The following FARS2 variants were observed in gnomAD, a reference collection of about 807,000 sequenced individuals.
The protein encoded by FARS2 is phenylalanine--tRNA ligase, mitochondrial.
FARS2 carries 40 observed loss-of-function variants against 46.4 expected under a neutral mutation model. The ratio of observed to expected loss-of-function variants is 0.86; its 90% confidence interval spans 0.67 to 1.12. The LOEUF (loss-of-function observed/expected upper bound fraction) is 1.12, where lower values mean the gene tolerates loss of function less well. Among genes scored for constraint, FARS2 ranks in the 50% most tolerant of loss-of-function variants. The pLI, the probability that FARS2 is intolerant of heterozygous loss-of-function variation, is 0.00. For missense variants in FARS2, 513 were observed against 567.9 expected, an observed-to-expected ratio of 0.90 and a Z score of 0.98; for synonymous variants, 234 against 214.9, an observed-to-expected ratio of 1.09 and a Z score of -0.78.
chr6:5,595,051 C>G (rs1006869887), intron 5 of FARS2, among the ~76,000 whole-genome samples: 9 of 152,142 alleles, frequency 5.9e-5, no homozygotes, highest in Non-Finnish European at 1.2e-4. Context: ...ACCCAGTCTC[C>G]CACCGTAGAG....
At chr6:5,491,168 C>T (rs966527417) in intron 4 of FARS2, among the ~76,000 whole-genome samples, 10 of 152,258 alleles carry the variant, frequency 6.6e-5, no homozygotes, top group Admixed American at 2.6e-4. Context: ...TTGCATTTCT[C>T]TGTTGACTCA....
At chr6:5,582,275 T>A (rs565296869) in intron 5 of FARS2, among the ~76,000 whole-genome samples, 1 of 150,872 alleles carries the variant, frequency 6.6e-6, no homozygotes, top group South Asian at 2.2e-4. Context: ...AGTAACATAC[T>A]TCCGGTTAAT....
chr6:5,610,776 A>G (rs1004682606), intron 5 of FARS2, among the ~76,000 whole-genome samples: 1 of 152,222 alleles, frequency 6.6e-6, no homozygotes, highest in Non-Finnish European at 1.5e-5. Context: ...CCACAATTCT[A>G]TGGTTGTGGG....
intron 3 of FARS2, among the ~76,000 whole-genome samples, chr6:5,427,479 T>C (rs1046158142): frequency 6.6e-6 from 1 of 152,216 alleles, no homozygotes; most frequent in Non-Finnish European, 1.5e-5. Flanking sequence ...TGTATAGATT[T>C]GGCATTCTTT....
chr6:5,558,194 C>T (rs770444403), intron 5 of FARS2, among the ~76,000 whole-genome samples: 10 of 152,234 alleles, frequency 6.6e-5, no homozygotes, highest in East Asian at 3.9e-4. Flanking sequence ...AAAGAACAAA[C>T]GCATTTCTTC....
chr6:5,607,163 T>C (rs1337357241), intron 5 of FARS2, among the ~76,000 whole-genome samples: 1 of 152,188 alleles, frequency 6.6e-6, no homozygotes, highest in Non-Finnish European at 1.5e-5. Flanking sequence ...GATGAAACTC[T>C]AGACAAGAAT....
rs531555806 is a variant in FARS2 at position 5,613,163 on chromosome 6, T to G, written c.1066-6T>G. The stretch of plus-strand genomic sequence containing the variant: ...TCATGTATCTTTTCTCCTCTTGTTT[T>G]GTTAGCCTCTTAGCAAATATCCGGC... On this transcript the variant is annotated splice_polypyrimidine_tract_variant and splice_region_variant and intron_variant, in intron 5 of 6. Coordinates refer to ENST00000274680, the MANE Select transcript of FARS2 (RefSeq NM_006567.5). The G allele has an allele frequency of 1.2e-6, 2 of 1,610,384 alleles. No individual in the cohort carries two copies. Among genetic ancestry groups the G allele is most frequent in the Non-Finnish European group, 1.7e-6 (2 of 1,178,520 alleles).
At chr6:5,477,297 C>G (rs565469978) in intron 4 of FARS2, among the ~76,000 whole-genome samples, 1 of 152,310 alleles carries the variant, frequency 6.6e-6, no homozygotes, top group South Asian at 2.1e-4. Flanking sequence ...AGTTTCTGAG[C>G]AGTGTCTCAG....
At chr6:5,654,425 A>C (rs1031520991) in intron 6 of FARS2, among the ~76,000 whole-genome samples, 3 of 152,232 alleles carry the variant, frequency 2.0e-5, no homozygotes, top group African/African-American at 4.8e-5. Context: ...TCCAAAAAAA[A>C]CAAAGATGTT....
At chr6:5,635,248 A>G (rs1401705112) in intron 6 of FARS2, among the ~76,000 whole-genome samples, 1 of 152,260 alleles carries the variant, frequency 6.6e-6, no homozygotes, top group Non-Finnish European at 1.5e-5. Context: ...GTAATTAAGT[A>G]CAAGCATTAA....
intron 6 of FARS2, among the ~76,000 whole-genome samples, chr6:5,720,122 A>G (rs910904627): frequency 6.6e-6 from 1 of 152,184 alleles, no homozygotes; most frequent in African/African-American, 2.4e-5. Context: ...AAAAAACAAC[A>G]CTGCTGCAAT....
intron 4 of FARS2, among the ~76,000 whole-genome samples, chr6:5,432,899 G>C (rs1763310967): frequency 6.6e-6 from 1 of 152,198 alleles, no homozygotes. Context: ...CCTCGGCTGG[G>C]AGACTGGAGG....
rs1181304211 is a variant in FARS2 at position 5,392,792 on chromosome 6, A to G, written c.613-11750A>G. Reference sequence around the variant, plus strand: ...CACATGTATATATATGTGTGTATATATACATATATGTATGTGTATATATTA... The same window carrying G: ...CACATGTATATATATGTGTGTATATGTACATATATGTATGTGTATATATTA... On this transcript the variant is annotated intron_variant, in intron 2 of 6. Coordinates refer to ENST00000274680, the MANE Select transcript of FARS2 (RefSeq NM_006567.5). Among the ~76,000 whole-genome samples, 7 of 143,914 alleles carry G rather than the reference A, an allele frequency of 4.9e-5. No homozygotes were observed. The South Asian group carries it at 6.4e-4, about 13-fold the overall frequency. 94.4% of individuals were successfully genotyped at this position (143,914 alleles called of 152,430 possible). A position where few individuals can be genotyped will look rare whatever the true frequency, so the allele number is the denominator to read the frequency against.
intron 1 of FARS2, among the ~76,000 whole-genome samples, chr6:5,346,306 C>A (rs1280041490): frequency 6.6e-6 from 1 of 152,120 alleles, no homozygotes; most frequent in Non-Finnish European, 1.5e-5. Flanking sequence ...GAATAAAATT[C>A]ATCATCACCT....
intron 5 of FARS2, among the ~76,000 whole-genome samples, chr6:5,563,218 A>G (rs901063650): frequency 1.3e-5 from 2 of 152,268 alleles, no homozygotes; most frequent in Admixed American, 1.3e-4. Flanking sequence ...TAGGCATGTC[A>G]TTCACGTAGC....
At chr6:5,395,176 G>C (rs1022394943) in intron 2 of FARS2, among the ~76,000 whole-genome samples, 10 of 152,024 alleles carry the variant, frequency 6.6e-5, no homozygotes, top group African/African-American at 2.4e-4. Context: ...TCAGCCTTCT[G>C]AGTAGCTGGG....
chr6:5,345,939 C>T (rs1367732014), intron 1 of FARS2, among the ~76,000 whole-genome samples: 1 of 152,174 alleles, frequency 6.6e-6, no homozygotes, highest in Non-Finnish European at 1.5e-5. Flanking sequence ...AATGCCTTGT[C>T]ACCAGAAACC....
intron 5 of FARS2, among the ~76,000 whole-genome samples, chr6:5,587,561 G>T (rs890918580): frequency 6.6e-6 from 1 of 152,086 alleles, no homozygotes; most frequent in African/African-American, 2.4e-5. Flanking sequence ...TGTGTTTCTG[G>T]CAAAGTTTTC....
At chr6:5,429,528 G>C (rs1177526302) in intron 3 of FARS2, among the ~76,000 whole-genome samples, 1 of 152,146 alleles carries the variant, frequency 6.6e-6, no homozygotes, top group African/African-American at 2.4e-5. Context: ...TTTTGGGGCC[G>C]AGTGCCGTGG....
Sources: allele counts gnomAD v4.1 joint callset (sites outside exome capture counted in the v4.1 genomes callset), GRCh38; gene constraint gnomAD v4.1.1; transcripts MANE v1.5; gene names NCBI Gene and HGNC (gene_info 2026-07-23, HGNC 2026-07-21).